The following PDLIM5 variants were observed in gnomAD, a reference collection of about 807,000 sequenced individuals.
PDLIM5 encodes the protein PDZ and LIM domain protein 5.
Under a neutral mutation model 64.2 loss-of-function variants are expected in PDLIM5, and 34 were observed. The ratio of observed to expected loss-of-function variants is 0.53; its 90% confidence interval spans 0.40 to 0.71. PDLIM5 has a LOEUF of 0.71. Ranked by LOEUF, PDLIM5 falls within the 30% of genes least tolerant of loss-of-function variation. PDLIM5 has a pLI of 0.00. For missense variants in PDLIM5, 683 were observed against 733.6 expected (o/e 0.93, Z 0.80); for synonymous variants, 253 against 269.1 (o/e 0.94, Z 0.59).
At chr4:94,455,433 T>C (rs768804689) in intron 2 of PDLIM5, 49 bp downstream of exon 2, 3 of 1,151,824 alleles carry the variant, frequency 2.6e-6, no homozygotes, top group Non-Finnish European at 2.6e-6. Flanking sequence ...CAGTGCTTAG[T>C]CCTCGGGCTG....
chr4:94,469,434 G>T (rs1456342596), intron 2 of PDLIM5, among the ~76,000 whole-genome samples: 2 of 152,092 alleles, frequency 1.3e-5, no homozygotes, highest in Non-Finnish European at 2.9e-5. Context: ...CACATTGCAG[G>T]CACAGAGATT....
At chr4:94,475,145 CTT>C (rs755044470) in intron 2 of PDLIM5, among the ~76,000 whole-genome samples, 7 of 145,606 alleles carry the variant, frequency 4.8e-5, no homozygotes, top group Admixed American at 6.9e-5. Context: ...CCTCCCCCGC[CTT>C]TTTTTTTTTA....
chr4:94,590,777 CAG>C (rs1736615923), intron 7 of PDLIM5, among the ~76,000 whole-genome samples: 1 of 152,124 alleles, frequency 6.6e-6, no homozygotes, highest in African/African-American at 2.4e-5. Context: ...GCTAGAAAAA[CAG>C]AACTCCTGTA....
chr4:94,473,263 T>G (rs979024226), intron 2 of PDLIM5, among the ~76,000 whole-genome samples: 1 of 152,154 alleles, frequency 6.6e-6, no homozygotes, highest in Non-Finnish European at 1.5e-5. Context: ...ATTTTATTTT[T>G]TTTATTTTTA....
chr4:94,548,490 T>G lies in PDLIM5; in HGVS notation c.248+24615T>G, dbSNP rs73833961. ...GGTCTACAACAGGAAATTGGAGAGATATTGCCGATGTTTTAGTAGATTCCA... is the reference window on the plus strand; with the variant it reads ...GGTCTACAACAGGAAATTGGAGAGAGATTGCCGATGTTTTAGTAGATTCCA... On this transcript the variant is annotated intron_variant, in intron 3 of 12. Transcript: ENST00000317968. 5.5e-3 allele frequency among the ~76,000 whole-genome samples: 843 copies of G among 152,320 alleles called. 9 individuals are homozygous for G. The highest frequency in any genetic ancestry group is 0.019 in the African/African-American group (806 of 41,580).
At chr4:94,657,114 G>A (rs1235711557) in intron 10 of PDLIM5, among the ~76,000 whole-genome samples, 1 of 152,036 alleles carries the variant, frequency 6.6e-6, no homozygotes, top group East Asian at 1.9e-4. Context: ...AGAAAGTTTT[G>A]TAGCAAGCAT....
At chr4:94,649,290 G>A (rs1327172434) in intron 9 of PDLIM5, among the ~76,000 whole-genome samples, 2 of 152,048 alleles carry the variant, frequency 1.3e-5, no homozygotes, top group African/African-American at 2.4e-5. Flanking sequence ...GGATGTAATT[G>A]TATCTGCACA....
chr4:94,618,376 G>A (rs559798512), intron 8 of PDLIM5, among the ~76,000 whole-genome samples, 185 bp downstream of exon 8: 1 of 152,190 alleles, frequency 6.6e-6, no homozygotes, highest in Non-Finnish European at 1.5e-5. Flanking sequence ...CATTCTTTGT[G>A]TGTATTTGAT....
intron 2 of PDLIM5, among the ~76,000 whole-genome samples, chr4:94,473,216 G>A (rs1275006079): frequency 6.6e-6 from 1 of 152,150 alleles, no homozygotes; most frequent in Admixed American, 6.5e-5. Flanking sequence ...TCCGATGGCT[G>A]GAGTAGGCAG....
chr4:94,575,686 A>G lies in PDLIM5; in HGVS notation c.362A>G (p.Asn121Ser), dbSNP rs1238766945. ...GCTGTGTCCAAAGTCACTTCCACAA[A>G]CAACATGGCCTACAATAAGGCACCA... ...SPAVSKVTST[N>S]NMAYNKAPRP... The change falls in exon 5 of 13, where the codon AAC becomes AGC. Residue 121 changes from asparagine (N) to serine (S), a missense_variant. Physicochemically the swap from Asn to Ser is conservative, Grantham distance 46 (BLOSUM62 1). Coordinates refer to ENST00000317968, the MANE Select transcript of PDLIM5 (RefSeq NM_006457.5). The G allele has an allele frequency of 6.2e-7, 1 of 1,613,308 alleles. No homozygotes were observed. The highest frequency in any genetic ancestry group is 8.5e-7 in the Non-Finnish European group (1 of 1,179,558).
chr4:94,489,234 C>T (rs1448481307), intron 2 of PDLIM5, among the ~76,000 whole-genome samples: 2 of 152,140 alleles, frequency 1.3e-5, no homozygotes, highest in African/African-American at 4.8e-5. Flanking sequence ...CAGCTGTGAA[C>T]CGGGCCTATC....
At chr4:94,523,035 A>C (rs1729967565) in intron 2 of PDLIM5, among the ~76,000 whole-genome samples, 1 of 152,264 alleles carries the variant, frequency 6.6e-6, no homozygotes, top group African/African-American at 2.4e-5. Context: ...GATCAGACTA[A>C]ATAATGTAAA....
Position 94,665,064 on chromosome 4 carries a change from A to G in PDLIM5, c.*997A>G, listed in dbSNP as rs1743004079. 3 of 975,676 alleles carry G rather than the reference A, an allele frequency of 3.1e-6. No homozygotes were observed. Among genetic ancestry groups the G allele is most frequent in the Non-Finnish European group, 2.4e-6 (2 of 820,938 alleles). 60.4% of individuals were successfully genotyped at this position (975,676 alleles called of 1,614,324 possible). A position where few individuals can be genotyped will look rare whatever the true frequency, so the allele number is the denominator to read the frequency against. On this transcript the variant is annotated 3_prime_UTR_variant, in exon 13 of 13. Coordinates refer to ENST00000317968, the MANE Select transcript of PDLIM5 (RefSeq NM_006457.5). Reference sequence around the variant, plus strand: ...AATTTTTGCCTTTTACTAAAATGTGATTGTTTCTATTCATTGTGTATGCTT... The same window carrying G: ...AATTTTTGCCTTTTACTAAAATGTGGTTGTTTCTATTCATTGTGTATGCTT...
intron 7 of PDLIM5, chr4:94,586,958 T>A (rs760429331): frequency 1.8e-5 from 2 of 110,842 alleles, no homozygotes; most frequent in Non-Finnish European, 1.4e-5. Context: ...TCTATCACTC[T>A]TTTTTTTTTT....
At chr4:94,611,038 T>C in intron 7 of PDLIM5, 2 of 1,511,172 alleles carry the variant, frequency 1.3e-6, no homozygotes, top group Non-Finnish European at 1.8e-6. Context: ...GTGTGATTTT[T>C]GACTTAAAAC....
intron 8 of PDLIM5, among the ~76,000 whole-genome samples, chr4:94,628,805 G>A (rs1013217946): frequency 6.6e-6 from 1 of 151,990 alleles, no homozygotes; most frequent in African/African-American, 2.4e-5. Flanking sequence ...GAGCAAAATT[G>A]TACAAATTTA....
At chr4:94,660,401 T>TTTA (rs1742597968) in intron 11 of PDLIM5, among the ~76,000 whole-genome samples, 2 of 152,208 alleles carry the variant, frequency 1.3e-5, no homozygotes, top group Non-Finnish European at 2.9e-5. Flanking sequence ...TATATTCACG[T>TTTA]TTCATTGCAA....
intron 1 of PDLIM5, among the ~76,000 whole-genome samples, chr4:94,453,453 G>C (rs997886941): frequency 6.6e-6 from 1 of 152,156 alleles, no homozygotes. Flanking sequence ...ACAAATGAGA[G>C]AAGTTAGGAA....
At chr4:94,651,576 G>A (rs1370026947) in intron 9 of PDLIM5, among the ~76,000 whole-genome samples, 1 of 152,116 alleles carries the variant, frequency 6.6e-6, no homozygotes, top group Non-Finnish European at 1.5e-5. Flanking sequence ...TGAAGCTAAC[G>A]TCGAGACTGG....
Sources: allele counts gnomAD v4.1 joint callset (sites outside exome capture counted in the v4.1 genomes callset), GRCh38; gene constraint gnomAD v4.1.1; transcripts MANE v1.5; gene names NCBI Gene and HGNC (gene_info 2026-07-23, HGNC 2026-07-21).